The following PRKACB variants were observed in gnomAD, a reference collection of about 807,000 sequenced individuals.
PRKACB encodes protein kinase cAMP-activated catalytic subunit beta.
Under a neutral mutation model 51.4 loss-of-function variants are expected in PRKACB, and 16 were observed. The ratio of observed to expected loss-of-function variants is 0.31; its 90% CI spans 0.21 to 0.47. The LOEUF (loss-of-function observed/expected upper bound fraction) is 0.47. Among genes scored for constraint, PRKACB ranks in the 20% least tolerant of loss-of-function variants. The probability of loss-of-function intolerance (pLI) is 1.00; values close to 1 mark genes in which losing one functional copy is unlikely to be tolerated. For synonymous variants in PRKACB, 147 were observed against 154.4 expected, an observed-to-expected ratio of 0.95 and a Z score of 0.35; for missense variants, 309 against 464.5, an observed-to-expected ratio of 0.67 and a Z score of 3.08.
intron 1 of PRKACB, among the ~76,000 whole-genome samples, chr1:84,091,205 A>G (rs1648443147): frequency 6.6e-6 from 1 of 152,190 alleles, no homozygotes; most frequent in Non-Finnish European, 1.5e-5. Context: ...GAAAGAAGAA[A>G]GAGAAAAATG....
intron 1 of PRKACB, among the ~76,000 whole-genome samples, chr1:84,108,375 A>G (rs1386553818): frequency 6.6e-6 from 1 of 151,860 alleles, no homozygotes; most frequent in African/African-American, 2.4e-5. Context: ...AAGAAAAGAA[A>G]AAGAAAAACT....
chr1:84,159,708 T>C lies in PRKACB; in HGVS notation c.187+15160T>C, dbSNP rs142547116. Among the ~76,000 whole-genome samples, 1,397 of 152,212 alleles carry C rather than the reference T, an allele frequency of 9.2e-3. 23 individuals are homozygous for C. The highest frequency in any genetic ancestry group is 0.031 in the African/African-American group (1,291 of 41,562). Reference sequence around the variant, plus strand: ...CCATCTTTCATCATTAAATATGACATAAGTATAGAGTTTCCCCTGCCCCAC... The same window carrying C: ...CCATCTTTCATCATTAAATATGACACAAGTATAGAGTTTCCCCTGCCCCAC... On this transcript the variant is annotated intron_variant, in intron 1 of 9. Transcript: ENST00000370685.
rs767490309 is a variant in PRKACB at position 84,184,185 on chromosome 1, T to A, written c.477+50T>A. 6 of 1,501,886 alleles carry A rather than the reference T, an allele frequency of 4.0e-6. No homozygotes were observed. In the Admixed American group the frequency reaches 6.0e-5, roughly 15 times the overall value. The allele number at this position is 1,501,886 out of a possible 1,614,324, so 93.0% of individuals were successfully genotyped here. ...AGATATTTTCAACCTAAATTTTTTT[T>A]AAGATGAAACTATAAATGGATTCTA... On this transcript the variant is annotated intron_variant, in intron 4 of 9. Transcript: ENST00000370685.
intron 1 of PRKACB, chr1:84,085,774 G>A: frequency 3.0e-6 from 1 of 337,432 alleles, no homozygotes; most frequent in Non-Finnish European, 5.6e-6. Context: ...GAGGTTCCTG[G>A]CCTCAGTCGT....
At chr1:84,140,820 G>A, upstream of PRKACB, among the ~76,000 whole-genome samples, 1 of 152,086 alleles carries the variant, frequency 6.6e-6, no homozygotes, top group Non-Finnish European at 1.5e-5. Flanking sequence ...GTGTCTTGCA[G>A]TACAAGAAAC....
At chr1:84,078,399 C>G (rs758425916) in intron 1 of PRKACB, 14 of 1,606,952 alleles carry the variant, frequency 8.7e-6, no homozygotes, top group South Asian at 1.1e-5. Context: ...TCTGGGTATC[C>G]GCTGGGCGGG....
chr1:84,129,313 G>A (rs1571705399), intron 1 of PRKACB, among the ~76,000 whole-genome samples: 2 of 152,012 alleles, frequency 1.3e-5, no homozygotes, highest in Admixed American at 6.6e-5. Context: ...AAAACATGGA[G>A]TGTAATTGTG....
At chr1:84,087,611 G>A (rs1197474820) in intron 1 of PRKACB, among the ~76,000 whole-genome samples, 1 of 152,012 alleles carries the variant, frequency 6.6e-6, no homozygotes, top group Non-Finnish European at 1.5e-5. Context: ...TGCCCAGGCT[G>A]GACTCAAACT....
chr1:84,197,920 T>G, intron 7 of PRKACB, 96 bp downstream of exon 7: 1 of 833,848 alleles, frequency 1.2e-6, no homozygotes, highest in Non-Finnish European at 1.8e-6. Flanking sequence ...ATTTTACATT[T>G]TTAATTTGAT....
intron 1 of PRKACB, chr1:84,157,424 A>G (rs1655639828): frequency 6.6e-6 from 1 of 152,166 alleles, no homozygotes; most frequent in African/African-American, 2.4e-5. Context: ...TCATAACCAT[A>G]TAAATCACTC....
At chr1:84,200,987 A>G (rs999860063) in intron 7 of PRKACB, among the ~76,000 whole-genome samples, 3 of 151,958 alleles carry the variant, frequency 2.0e-5, no homozygotes, top group African/African-American at 4.8e-5. Context: ...TGATTTTTTT[A>G]TTATTATAAA....
At chr1:84,157,734 G>A (rs1360288624) in intron 1 of PRKACB, among the ~76,000 whole-genome samples, 1 of 151,986 alleles carries the variant, frequency 6.6e-6, no homozygotes, top group Non-Finnish European at 1.5e-5. Context: ...TTAATAATTG[G>A]TTCCGATTTA....
intron 9 of PRKACB, among the ~76,000 whole-genome samples, chr1:84,228,712 G>T (rs1675064211): frequency 6.6e-6 from 1 of 152,046 alleles, no homozygotes. Flanking sequence ...AAGTTTTGAT[G>T]GCCAGATATT....
chr1:84,236,495 A>G lies in PRKACB; in HGVS notation c.*1190A>G, dbSNP rs1343488586. On this transcript the variant is annotated 3_prime_UTR_variant, in exon 10 of 10. Coordinates refer to ENST00000370685, the MANE Select transcript of PRKACB (RefSeq NM_182948.4). ...CATGCCTCATCAATGAGGAAAGGGA[A>G]CAAAGTGTATAAAACTGCCACAATT... The G allele has an allele frequency of 1.3e-5, 2 of 152,656 alleles. No individual in the cohort carries two copies. The highest frequency in any genetic ancestry group is 2.9e-5 in the Non-Finnish European group (2 of 68,036). 9.5% of individuals were successfully genotyped at this position (152,656 alleles called of 1,614,324 possible).
intron 1 of PRKACB, among the ~76,000 whole-genome samples, chr1:84,146,735 G>A (rs1235486038): frequency 6.6e-6 from 1 of 151,906 alleles, no homozygotes; most frequent in African/African-American, 2.4e-5. Context: ...ATAAAGATCA[G>A]TTACCAATTT....
intron 1 of PRKACB, among the ~76,000 whole-genome samples, chr1:84,082,173 A>G (rs1461026005): frequency 6.6e-6 from 1 of 152,226 alleles, no homozygotes; most frequent in Non-Finnish European, 1.5e-5. Context: ...TTGCATAGCT[A>G]GTAAGTCAAG....
chr1:84,109,236 T>C (rs1354321986), intron 1 of PRKACB, among the ~76,000 whole-genome samples: 2 of 151,994 alleles, frequency 1.3e-5, no homozygotes, highest in African/African-American at 4.8e-5. Context: ...GGCGAACATA[T>C]GTATGCATTT....
chr1:84,209,283 A>G (rs1276503331), intron 8 of PRKACB, among the ~76,000 whole-genome samples: 1 of 152,076 alleles, frequency 6.6e-6, no homozygotes, highest in East Asian at 1.9e-4. Context: ...TCTTGTATCT[A>G]GTTTCTAACT....
At chr1:84,078,699 C>G (rs939319695) in intron 1 of PRKACB, among the ~76,000 whole-genome samples, 1 of 152,188 alleles carries the variant, frequency 6.6e-6, no homozygotes, top group African/African-American at 2.4e-5. Flanking sequence ...TCCCTAGTGC[C>G]ATCCCACCCC....
Sources: allele counts gnomAD v4.1 joint callset (sites outside exome capture counted in the v4.1 genomes callset), GRCh38; gene constraint gnomAD v4.1.1; transcripts MANE v1.5; gene names NCBI Gene and HGNC (gene_info 2026-07-23, HGNC 2026-07-21).